RABEPK: variants seen among roughly 807,000 people sequenced by gnomAD.
RABEPK encodes Rab9 effector protein with kelch motifs.
Under a neutral mutation model 34.1 loss-of-function variants are expected in RABEPK, and 27 were observed. That is an observed-to-expected ratio of 0.79 (90% CI 0.58 to 1.09). The LOEUF (loss-of-function observed/expected upper bound fraction) is 1.09. Ranked by LOEUF, RABEPK falls within the 50% of genes least tolerant of loss-of-function variation. The probability of loss-of-function intolerance (pLI) is 0.00; values close to 1 mark genes in which losing one functional copy is unlikely to be tolerated. For missense variants in RABEPK, 449 were observed against 462.6 expected (o/e 0.97, Z 0.27); for synonymous variants, 172 against 169.2 (o/e 1.02, Z -0.13).
chr9:125,219,366 AT>A (rs1301109226), intron 4 of RABEPK, among the ~76,000 whole-genome samples: 1 of 149,362 alleles, frequency 6.7e-6, no homozygotes, highest in African/African-American at 2.5e-5. Context: ...GCTCAGCCTA[AT>A]TTTTTTTAAT....
chr9:125,206,535 G>C (rs976123547), intron 2 of RABEPK, among the ~76,000 whole-genome samples: 1 of 151,866 alleles, frequency 6.6e-6, no homozygotes, highest in East Asian at 1.9e-4. Context: ...TGGAATGACC[G>C]AATTCTGTAT....
chr9:125,214,325 G>C (rs1185195720), intron 4 of RABEPK, among the ~76,000 whole-genome samples: 1 of 151,984 alleles, frequency 6.6e-6, no homozygotes, highest in Admixed American at 6.6e-5. Flanking sequence ...GCTTCTAGGG[G>C]GTAGAGGCCA....
chr9:125,205,991 C>T (rs1240490326), intron 2 of RABEPK, among the ~76,000 whole-genome samples: 1 of 151,764 alleles, frequency 6.6e-6, no homozygotes, highest in East Asian at 1.9e-4. Context: ...GGAAAGGAGT[C>T]GGAGAAGGAA....
At chr9:125,223,439 G>C (rs1244636302) in intron 5 of RABEPK, among the ~76,000 whole-genome samples, 1 of 152,112 alleles carries the variant, frequency 6.6e-6, no homozygotes, top group Non-Finnish European at 1.5e-5. Flanking sequence ...CTGGGTGACA[G>C]AGCAAGGCTC....
intron 3 of RABEPK, among the ~76,000 whole-genome samples, chr9:125,210,706 CAA>C (rs35140834): frequency 1.9e-4 from 16 of 83,240 alleles, no homozygotes; most frequent in African/African-American, 2.0e-4. Flanking sequence ...GACTCCGTCT[CAA>C]AAAAAAAAAA....
At position 125,220,054 on chromosome 9, in the gene RABEPK, A is replaced by T. The variant is rs547671715; in HGVS notation, c.365-485A>T. Among the ~76,000 whole-genome samples, 136 of 151,868 alleles carry T rather than the reference A, an allele frequency of 9.0e-4. 4 individuals carry two copies. The South Asian group carries it at 0.028, about 31-fold the overall frequency. Reference sequence around the variant, plus strand: ...TGCTCTGTCACCCAGGCTGGAGTGCAGTGGTGCAATCTCAGCTCACTGCAA... The same window carrying T: ...TGCTCTGTCACCCAGGCTGGAGTGCTGTGGTGCAATCTCAGCTCACTGCAA... On this transcript the variant is annotated intron_variant, in intron 4 of 7. Coordinates refer to ENST00000373538, the MANE Select transcript of RABEPK (RefSeq NM_005833.4).
intron 6 of RABEPK, among the ~76,000 whole-genome samples, chr9:125,229,302 A>G (rs1832011704): frequency 6.6e-6 from 1 of 151,872 alleles, no homozygotes; most frequent in African/African-American, 2.4e-5. Context: ...GCTTGGTGAC[A>G]GGCACCTGTA....
intron 7 of RABEPK, among the ~76,000 whole-genome samples, chr9:125,233,338 T>G (rs943210561): frequency 1.4e-5 from 2 of 139,180 alleles, no homozygotes; most frequent in African/African-American, 5.4e-5. Context: ...TGTTTTTTTT[T>G]TTTTTTTTTT....
At chr9:125,204,791 C>T (rs2131367545) in intron 2 of RABEPK, among the ~76,000 whole-genome samples, 1 of 152,290 alleles carries the variant, frequency 6.6e-6, no homozygotes, top group South Asian at 2.1e-4. Flanking sequence ...TGCTCTTTCC[C>T]TCCACTTTTT....
chr9:125,233,597 C>T (rs934551046), intron 7 of RABEPK, 91 bp from the exon 8 acceptor site: 2 of 1,370,842 alleles, frequency 1.5e-6, no homozygotes, highest in African/African-American at 2.9e-5. Context: ...CCGCTTCGGC[C>T]TCCCAAAGTG....
At chr9:125,227,033 G>T (rs1013072703) in intron 5 of RABEPK, among the ~76,000 whole-genome samples, 13 of 151,354 alleles carry the variant, frequency 8.6e-5, no homozygotes, top group Admixed American at 1.3e-4. Context: ...AGCTGCATGT[G>T]GTGTTGCATG....
chr9:125,217,308 C>G lies in RABEPK; in HGVS notation c.365-3231C>G, dbSNP rs144402797. On this transcript the variant is annotated intron_variant, in intron 4 of 7. Transcript: ENST00000373538. ...AGGGAAATCAGTTCTGGAACCCTGG[C>G]CTTTTGATTTTCAACAATGGTATCC... 2.6e-4 allele frequency among the ~76,000 whole-genome samples: 39 copies of G among 152,130 alleles called. 1 individual carries two copies. The highest frequency in any genetic ancestry group is 6.8e-3 in the Middle Eastern group (2 of 294).
rs920573780 is a variant in RABEPK at position 125,215,204 on chromosome 9, GGT to G, written c.364+1683_364+1684del. On this transcript the variant is annotated intron_variant, in intron 4 of 7. Transcript: ENST00000373538. ...TTCATAATCCCAGGAGAAATAGGTG[GGT>G]TTTTTTTTTTTGGCTTTAGCAAAAA... Among the ~76,000 whole-genome samples, 274 of 127,524 alleles carry G rather than the reference GGT, an allele frequency of 2.1e-3. 1 individual carries two copies. Among genetic ancestry groups the G allele is most frequent in the African/African-American group, 8.3e-3 (262 of 31,454 alleles). 83.7% of individuals were successfully genotyped at this position (127,524 alleles called of 152,430 possible).
Position 125,233,729 on chromosome 9 carries a change from C to A in RABEPK, c.868C>A (p.Pro290Thr), listed in dbSNP as rs1832386845. ...WTLLKFDTLL[P>T]PGRLDHSMCI... The stretch of plus-strand genomic sequence containing the variant: ...CTTGCTTAAATTTGATACTCTTCTA[C>A]CCCCTGGACGATTGGACCATTCCAT... The change falls in exon 8 of 8, where the codon CCC (proline) becomes ACC (threonine). Residue 290 changes from proline (P) to threonine (T), a missense_variant. Pro to Thr is a conservative substitution (Grantham distance 38). Coordinates refer to ENST00000373538, the MANE Select transcript of RABEPK (RefSeq NM_005833.4). The A allele has an allele frequency of 6.2e-7, 1 of 1,614,112 alleles. No homozygotes were observed. The highest frequency in any genetic ancestry group is 1.1e-5 in the South Asian group (1 of 91,082).
chr9:125,215,201 G>A (rs1481099082), intron 4 of RABEPK, among the ~76,000 whole-genome samples: 1 of 137,682 alleles, frequency 7.3e-6, no homozygotes, highest in Admixed American at 7.1e-5. Context: ...GGAGAAATAG[G>A]TGGGTTTTTT....
intron 6 of RABEPK, among the ~76,000 whole-genome samples, chr9:125,232,007 C>T (rs1475291678): frequency 6.8e-6 from 1 of 147,444 alleles, no homozygotes; most frequent in Non-Finnish European, 1.5e-5. Context: ...TCAAGCGATT[C>T]TCATGCCTCA....
chr9:125,217,387 TTTTA>T (rs576015462), intron 4 of RABEPK, among the ~76,000 whole-genome samples: 7 of 152,124 alleles, frequency 4.6e-5, no homozygotes, highest in South Asian at 2.1e-4. Context: ...GGTGATTTTA[TTTTA>T]TTTATTTATT....
chr9:125,207,069 A>G (rs1362398988), intron 2 of RABEPK, among the ~76,000 whole-genome samples: 1 of 151,614 alleles, frequency 6.6e-6, no homozygotes, highest in Non-Finnish European at 1.5e-5. Flanking sequence ...AGCCTGGGCA[A>G]CAAGAGCAAA....
chr9:125,229,339 A>G (rs1319098245), intron 6 of RABEPK, among the ~76,000 whole-genome samples: 6 of 152,116 alleles, frequency 3.9e-5, no homozygotes, highest in African/African-American at 1.4e-4. Flanking sequence ...AGGCTGAGGC[A>G]GGAGAATCGC....
Sources: gnomAD v4.1 joint callset for allele counts (sites outside exome capture counted in the v4.1 genomes callset) on GRCh38, gnomAD v4.1.1 for gene constraint, MANE v1.5 for transcripts, NCBI Gene and HGNC (gene_info 2026-07-23, HGNC 2026-07-21) for gene names.